The following IQGAP2 variants were observed in gnomAD, a reference collection of about 807,000 sequenced individuals.
The protein encoded by IQGAP2 is IQ motif containing GTPase activating protein 2.
A neutral mutation model predicts 201.3 loss-of-function variants in IQGAP2; 173 were observed. The ratio of observed to expected loss-of-function variants is 0.86; its 90% CI spans 0.76 to 0.98. The LOEUF (loss-of-function observed/expected upper bound fraction) is 0.98, where lower values mean the gene tolerates loss of function less well. Among genes scored for constraint, IQGAP2 ranks in the 50% least tolerant of loss-of-function variants. IQGAP2 has a pLI of 0.00. For missense variants in IQGAP2, 1,687 were observed against 1,864.8 expected (o/e 0.90, Z 1.76); for synonymous variants, 675 against 673.9 (o/e 1.00, Z -0.03).
At chr5:76,433,735 T>C (rs188288879) in intron 1 of IQGAP2, among the ~76,000 whole-genome samples, 7 of 152,362 alleles carry the variant, frequency 4.6e-5, no homozygotes, top group African/African-American at 1.7e-4. Context: ...ATTTTACAAA[T>C]GTCAGGAAGT....
At position 76,403,481 on chromosome 5, in the gene IQGAP2, C is replaced by A; in HGVS notation, c.-65C>A. 7.8e-7 allele frequency: 1 copy of A among 1,280,440 alleles called. No homozygotes were observed. Among genetic ancestry groups the A allele is most frequent in the East Asian group, 3.2e-5 (1 of 31,708 alleles). 79.3% of individuals were successfully genotyped at this position (1,280,440 alleles called of 1,614,324 possible). On this transcript the variant is annotated 5_prime_UTR_variant, in exon 1 of 36. Transcript: ENST00000274364. This position sits in a 1 kb window ranked among gnomAD's most constrained non-coding sequence, Gnocchi z 4.8. ...GCGCGCCGGCGGGGCGCAGAGCCCG[C>A]GAGCCTGGCCAGCGAGGGTAGCCGC...
chr5:76,435,965 G>T (rs1041133678), intron 1 of IQGAP2, among the ~76,000 whole-genome samples: 18 of 151,452 alleles, frequency 1.2e-4, no homozygotes, highest in Admixed American at 4.0e-4. Flanking sequence ...TTTTGTTTTG[G>T]TTTTTTTGGC....
At chr5:76,647,823 C>CCT (rs1554080322) in intron 17 of IQGAP2, among the ~76,000 whole-genome samples, 1 of 62,582 alleles carries the variant, frequency 1.6e-5, no homozygotes, top group Non-Finnish European at 4.8e-5. Flanking sequence ...TAGCCAAACA[C>CCT]CACACACACA....
intron 2 of IQGAP2, among the ~76,000 whole-genome samples, chr5:76,506,456 T>C (rs950453374): frequency 6.6e-5 from 10 of 152,186 alleles, no homozygotes; most frequent in Admixed American, 2.6e-4. Flanking sequence ...GGGAAAAATA[T>C]TGACCAATAG....
intron 1 of IQGAP2, among the ~76,000 whole-genome samples, chr5:76,454,978 T>C (rs1017636849): frequency 6.6e-6 from 1 of 152,192 alleles, no homozygotes; most frequent in African/African-American, 2.4e-5. Flanking sequence ...TTTTAATGAT[T>C]GCCATTCTAA....
intron 13 of IQGAP2, 108 bp from the exon 14 acceptor site, chr5:76,627,302 T>A: frequency 1.2e-6 from 1 of 809,368 alleles, no homozygotes; most frequent in African/African-American, 1.7e-5. Context: ...TAGTTGCTGA[T>A]TAAGAATTTG....
At chr5:76,533,172 T>C (rs1759415524) in intron 2 of IQGAP2, among the ~76,000 whole-genome samples, 2 of 152,148 alleles carry the variant, frequency 1.3e-5, no homozygotes, top group South Asian at 4.1e-4. Flanking sequence ...ATGGGTGTTT[T>C]TTTTTTAACT....
chr5:76,486,021 T>C (rs1756114772), intron 2 of IQGAP2, among the ~76,000 whole-genome samples: 1 of 152,184 alleles, frequency 6.6e-6, no homozygotes, highest in Non-Finnish European at 1.5e-5. Context: ...TTCACCTTTT[T>C]CTCCCCTTAA....
At chr5:76,459,636 A>T (rs1427060838) in intron 1 of IQGAP2, among the ~76,000 whole-genome samples, 1 of 151,960 alleles carries the variant, frequency 6.6e-6, no homozygotes, top group Non-Finnish European at 1.5e-5. Context: ...AACACAGGGA[A>T]AGAAATATAA....
chr5:76,581,247 A>G (rs746774764), intron 5 of IQGAP2, among the ~76,000 whole-genome samples: 18 of 152,084 alleles, frequency 1.2e-4, no homozygotes, highest in Non-Finnish European at 2.1e-4. Flanking sequence ...TTGTCTTAAC[A>G]CTCTGTTCCC....
rs1362346307 is a variant in IQGAP2, at chr5:76,626,309, T to A, written c.1522-1101T>A. 4.8e-5 allele frequency among the ~76,000 whole-genome samples: 6 copies of A among 124,646 alleles called. No homozygotes were observed. In the Admixed American group the frequency reaches 5.9e-4, roughly 12 times the overall value. 81.8% of individuals were successfully genotyped at this position (124,646 alleles called of 152,430 possible). ...TTTTTTGTGAGACAGAGTCTCACTC[T>A]GTCCCAAGGCTGGAGTTCAGTGGCC... On this transcript the variant is annotated intron_variant, in intron 13 of 35. Coordinates refer to ENST00000274364, the MANE Select transcript of IQGAP2 (RefSeq NM_006633.5).
chr5:76,588,892 T>G lies in IQGAP2; in HGVS notation c.459-14T>G. ...TGATAAAATTTCTGATAATTTTGTG[T>G]TTTTTTCTTTCAGTTTGTATCTGTT... On this transcript the variant is annotated splice_polypyrimidine_tract_variant and intron_variant, in intron 5 of 35. Coordinates refer to ENST00000274364, the MANE Select transcript of IQGAP2 (RefSeq NM_006633.5). The G allele has an allele frequency of 6.5e-7, 1 of 1,549,196 alleles. No individual in the cohort carries two copies.
chr5:76,604,430 C>T (rs984771310), intron 11 of IQGAP2, among the ~76,000 whole-genome samples: 2 of 151,910 alleles, frequency 1.3e-5, no homozygotes, highest in East Asian at 1.9e-4. Context: ...TGAACAGTGC[C>T]GCATAAACAT....
At chr5:76,467,278 C>A (rs1169516973) in intron 2 of IQGAP2, among the ~76,000 whole-genome samples, 1 of 152,038 alleles carries the variant, frequency 6.6e-6, no homozygotes, top group Non-Finnish European at 1.5e-5. Context: ...AAAAGTAAAG[C>A]ACTTTTAAAT....
chr5:76,438,707 T>G (rs559062623), intron 1 of IQGAP2, among the ~76,000 whole-genome samples: 2 of 152,314 alleles, frequency 1.3e-5, no homozygotes, highest in South Asian at 4.1e-4. Flanking sequence ...CCTCCCAAAG[T>G]GCTGTGATTG....
At chr5:76,660,708 C>T (rs185355906) in intron 21 of IQGAP2, among the ~76,000 whole-genome samples, 4 of 152,184 alleles carry the variant, frequency 2.6e-5, no homozygotes, top group African/African-American at 7.2e-5. Flanking sequence ...TTGCAAACAC[C>T]AGATATGTAT....
chr5:76,676,883 T>A (rs970170541), intron 27 of IQGAP2, among the ~76,000 whole-genome samples: 1 of 152,210 alleles, frequency 6.6e-6, no homozygotes, highest in Non-Finnish European at 1.5e-5. Context: ...AGATCAAGAA[T>A]TATCATTTTT....
chr5:76,528,943 G>A (rs1403191039), intron 2 of IQGAP2, among the ~76,000 whole-genome samples: 1 of 152,222 alleles, frequency 6.6e-6, no homozygotes, highest in Non-Finnish European at 1.5e-5. Context: ...GCAAAGAGAA[G>A]ATAATTTAGA....
At chr5:76,538,361 G>C (rs993421708) in intron 2 of IQGAP2, among the ~76,000 whole-genome samples, 1 of 35,034 alleles carries the variant, frequency 2.9e-5, no homozygotes, top group Non-Finnish European at 4.6e-5. Flanking sequence ...CATATCAAGG[G>C]GGGGTAAGGT....
Sources: gnomAD v4.1 joint callset for allele counts (sites outside exome capture counted in the v4.1 genomes callset) on GRCh38, gnomAD v4.1.1 for gene constraint, Gnocchi (gnomAD v3.1) non-coding constraint, MANE v1.5 for transcripts, NCBI Gene and HGNC (gene_info 2026-07-23, HGNC 2026-07-21) for gene names.